Variants in NUDCD3 observed in about 807,000 individuals in gnomAD.
NUDCD3 encodes the protein NudC domain containing 3.
Under a neutral mutation model 39.7 loss-of-function variants are expected in NUDCD3, and 13 were observed. The ratio of observed to expected loss-of-function variants is 0.33; its 90% CI spans 0.21 to 0.52. The LOEUF (loss-of-function observed/expected upper bound fraction) is 0.52. NUDCD3 is among the 20% of genes least tolerant of loss of function. The pLI is 0.96. For missense variants in NUDCD3, 453 were observed against 458.1 expected, an observed-to-expected ratio of 0.99 and a Z score of 0.10; for synonymous variants, 175 against 172.4, an observed-to-expected ratio of 1.02 and a Z score of -0.12.
intron 2 of NUDCD3, among the ~76,000 whole-genome samples, chr7:44,436,623 A>G (rs1043972156): frequency 6.6e-6 from 1 of 152,232 alleles, no homozygotes; most frequent in Non-Finnish European, 1.5e-5. Context: ...TTACATATAT[A>G]TAAAAATAGT....
chr7:44,462,426 C>T (rs1800033107), intron 2 of NUDCD3, among the ~76,000 whole-genome samples: 1 of 152,208 alleles, frequency 6.6e-6, no homozygotes, highest in Non-Finnish European at 1.5e-5. Context: ...ATAACTTATA[C>T]TCTAAAATCC....
At chr7:44,449,188 G>A (rs537170047) in intron 2 of NUDCD3, among the ~76,000 whole-genome samples, 1 of 152,290 alleles carries the variant, frequency 6.6e-6, no homozygotes, top group East Asian at 1.9e-4. Context: ...ACGTTTAAGG[G>A]GTGGAAACAA....
At chr7:44,417,301 C>A (rs1240038466) in intron 3 of NUDCD3, among the ~76,000 whole-genome samples, 1 of 152,170 alleles carries the variant, frequency 6.6e-6, no homozygotes, top group Admixed American at 6.5e-5. Flanking sequence ...CAGGGCAGGA[C>A]CCTCATAACA....
At chr7:44,490,339 G>A in intron 1 of NUDCD3, 70 bp downstream of exon 1, 2 of 1,381,690 alleles carry the variant, frequency 1.4e-6, no homozygotes, top group Non-Finnish European at 9.5e-7. Flanking sequence ...AGAGCTTGGA[G>A]GAGCGGGCGC....
chr7:44,414,114 C>G (rs1263961988), intron 3 of NUDCD3, among the ~76,000 whole-genome samples: 1 of 151,608 alleles, frequency 6.6e-6, no homozygotes, highest in East Asian at 1.9e-4. Context: ...GGAATTTTTT[C>G]TATATGAAAA....
chr7:44,401,392 G>C (rs1798723361), intron 4 of NUDCD3, among the ~76,000 whole-genome samples: 3 of 152,212 alleles, frequency 2.0e-5, no homozygotes, highest in Non-Finnish European at 2.9e-5. Flanking sequence ...CTTAGCTCCT[G>C]TAAACAGCAA....
At chr7:44,456,294 A>G (rs1193274491) in intron 2 of NUDCD3, among the ~76,000 whole-genome samples, 2 of 152,104 alleles carry the variant, frequency 1.3e-5, no homozygotes, top group African/African-American at 4.8e-5. Flanking sequence ...TAGAGAACAA[A>G]GAAAATAAAG....
intron 2 of NUDCD3, among the ~76,000 whole-genome samples, chr7:44,439,784 G>A (rs1585080027): frequency 1.3e-5 from 2 of 152,150 alleles, no homozygotes; most frequent in East Asian, 3.9e-4. Context: ...AACAAATGAG[G>A]GAAGGGGACA....
At chr7:44,394,801 T>C (rs147315430) in intron 4 of NUDCD3, among the ~76,000 whole-genome samples, 19 of 152,272 alleles carry the variant, frequency 1.2e-4, no homozygotes, top group African/African-American at 4.3e-4. Flanking sequence ...CTACATACCA[T>C]CCAGGGGACG....
chr7:44,478,595 G>T (rs1014795804), intron 2 of NUDCD3, among the ~76,000 whole-genome samples: 3 of 152,160 alleles, frequency 2.0e-5, no homozygotes, highest in African/African-American at 7.2e-5. Flanking sequence ...TGGGGTGGGG[G>T]CATTTCTGAT....
intron 2 of NUDCD3, among the ~76,000 whole-genome samples, chr7:44,458,920 G>A (rs568685276): frequency 6.7e-4 from 95 of 141,534 alleles, no homozygotes; most frequent in African/African-American, 2.4e-3. Flanking sequence ...CTGGCTGCAG[G>A]ATTAGACGGG....
intron 3 of NUDCD3, chr7:44,413,082 G>A (rs1388122397): frequency 6.6e-6 from 1 of 152,112 alleles, no homozygotes; most frequent in African/African-American, 2.4e-5. Flanking sequence ...AACGCAATCT[G>A]CTCCTATCTA....
chr7:44,407,678 C>G (rs945460414), intron 3 of NUDCD3, among the ~76,000 whole-genome samples: 1 of 150,158 alleles, frequency 6.7e-6, no homozygotes, highest in African/African-American at 2.5e-5. Flanking sequence ...AAAAAGATAT[C>G]CAAAAATATT....
intron 4 of NUDCD3, among the ~76,000 whole-genome samples, chr7:44,396,419 A>G (rs1247151443): frequency 6.6e-6 from 1 of 152,242 alleles, no homozygotes; most frequent in Admixed American, 6.5e-5. Context: ...TGAGCATATT[A>G]GTAAAAACAA....
intron 1 of NUDCD3, among the ~76,000 whole-genome samples, chr7:44,488,057 C>A (rs780768186): frequency 9.9e-5 from 15 of 152,222 alleles, no homozygotes; most frequent in Middle Eastern, 3.4e-3. Context: ...AGTTCCTTGG[C>A]CAGGCGCAGT....
In NUDCD3 at chr7:44,431,961, C is replaced by T. The variant is rs1171226033; in HGVS notation, c.510-4258G>A. Reference sequence around the variant, plus strand: ...TGCTGGGATTACGTGCGTGGGCCACCGTGCCCAGCCTCCTTCCATTTGTTT... The same window carrying T: ...TGCTGGGATTACGTGCGTGGGCCACTGTGCCCAGCCTCCTTCCATTTGTTT... On this transcript the variant is annotated intron_variant, in intron 2 of 5. Transcript: ENST00000355451. 3.9e-5 allele frequency among the ~76,000 whole-genome samples: 6 copies of T among 152,116 alleles called. No homozygotes were observed. In the South Asian group the frequency reaches 8.3e-4, roughly 21 times the overall value.
At chr7:44,434,678 T>G (rs886801010) in intron 2 of NUDCD3, among the ~76,000 whole-genome samples, 17 of 152,186 alleles carry the variant, frequency 1.1e-4, no homozygotes, top group African/African-American at 2.4e-5. Context: ...GTCTCAAGTA[T>G]GTCCTACAAA....
At position 44,435,668 on chromosome 7, in the gene NUDCD3, C is replaced by G. The variant is rs114990016; in HGVS notation, c.510-7965G>C. Among the ~76,000 whole-genome samples, 1,323 of 152,268 alleles carry G rather than the reference C, an allele frequency of 8.7e-3. 17 individuals carry two copies. Among genetic ancestry groups the G allele is most frequent in the African/African-American group, 0.03 (1,248 of 41,528 alleles). ...CAATGAGAACATCACTATCTTGCACCATCTTCTGTAATGAAGGCAATGAGT... is the reference window on the plus strand; with the variant it reads ...CAATGAGAACATCACTATCTTGCACGATCTTCTGTAATGAAGGCAATGAGT... On this transcript the variant is annotated intron_variant, in intron 2 of 5. Transcript: ENST00000355451.
Position 44,487,744 on chromosome 7 carries a change from A to G in NUDCD3, c.193-2460T>C, listed in dbSNP as rs149941503. Among the ~76,000 whole-genome samples the G allele has an allele frequency of 6.8e-3, 1,029 of 151,564 alleles. 11 individuals are homozygous for G. The highest frequency in any genetic ancestry group is 0.024 in the African/African-American group (972 of 41,314). On this transcript the variant is annotated intron_variant, in intron 1 of 5. Coordinates refer to ENST00000355451, the MANE Select transcript of NUDCD3 (RefSeq NM_015332.4). ...AGGCGGGTGATCACCTGAGGTCAGG[A>G]GTTCAAGACCAGCCTGGCCAACACG...
Sources: allele counts gnomAD v4.1 joint callset (sites outside exome capture counted in the v4.1 genomes callset), GRCh38; gene constraint gnomAD v4.1.1; transcripts MANE v1.5; gene names NCBI Gene and HGNC (gene_info 2026-07-23, HGNC 2026-07-21).